The following SLC6A9 variants were observed in gnomAD, a reference collection of about 807,000 sequenced individuals.
SLC6A9 encodes solute carrier family 6 member 9.
Under a neutral mutation model 70.9 loss-of-function variants are expected in SLC6A9, and 31 were observed. That is an observed-to-expected ratio of 0.44 (90% CI 0.33 to 0.59). SLC6A9 has a LOEUF of 0.59. Among genes scored for constraint, SLC6A9 ranks in the 20% least tolerant of loss-of-function variants. SLC6A9 has a pLI of 0.04. For synonymous variants in SLC6A9, 310 were observed against 341.3 expected (o/e 0.91, Z 1.01); for missense variants, 631 against 845.2 (o/e 0.75, Z 3.14).
At chr1:44,011,745 T>TCAGG (rs2086579868) in intron 2 of SLC6A9, 1 of 1,612,338 alleles carries the variant, frequency 6.2e-7, no homozygotes, top group African/African-American at 1.3e-5. Context: ...GGGCCGAAGG[T>TCAGG]CAGGAGAGGC....
Position 44,003,085 on chromosome 1 carries a change from G to C in SLC6A9, c.591-100C>G, listed in dbSNP as rs1391105132. On this transcript the variant is annotated intron_variant, in intron 5 of 13. Coordinates refer to ENST00000372310, the MANE Select transcript of SLC6A9 (RefSeq NM_001024845.3). Reference sequence around the variant, plus strand: ...CCCGGGCTGTACCCTCCTTTGTCATGAGGTCCCAGCAGCCACCTTGTGTGA... The same window carrying C: ...CCCGGGCTGTACCCTCCTTTGTCATCAGGTCCCAGCAGCCACCTTGTGTGA... The C allele has an allele frequency of 2.8e-6, 4 of 1,415,298 alleles. No homozygotes were observed. The East Asian group carries it at 9.1e-5, about 32-fold the overall frequency. 87.7% of individuals were successfully genotyped at this position (1,415,298 alleles called of 1,614,324 possible). A position where few individuals can be genotyped will look rare whatever the true frequency, so the allele number is the denominator to read the frequency against.
chr1:44,004,557 G>C (rs920894647), intron 5 of SLC6A9, among the ~76,000 whole-genome samples: 1 of 151,670 alleles, frequency 6.6e-6, no homozygotes, highest in African/African-American at 2.4e-5. Context: ...TATTGCCCAG[G>C]CTGGTCTCGA....
At chr1:44,022,247 C>G (rs1001701708) in intron 2 of SLC6A9, among the ~76,000 whole-genome samples, 1 of 152,238 alleles carries the variant, frequency 6.6e-6, no homozygotes, top group Non-Finnish European at 1.5e-5. Flanking sequence ...GCCTGCCCTC[C>G]TCCCAGTCCT....
At chr1:44,017,211 C>G in intron 2 of SLC6A9, 4 of 1,548,596 alleles carry the variant, frequency 2.6e-6, no homozygotes, top group Non-Finnish European at 2.6e-6. Context: ...GCGTCAATTA[C>G]TTTCACCTCA....
chr1:43,997,381 G>T lies in SLC6A9; in HGVS notation c.*164C>A, dbSNP rs1571830832. The T allele has an allele frequency of 3.1e-6, 2 of 652,324 alleles. No homozygotes were observed. The highest frequency in any genetic ancestry group is 2.6e-5 in the East Asian group (1 of 37,930). 40.4% of individuals were successfully genotyped at this position (652,324 alleles called of 1,614,324 possible). Reference sequence around the variant, plus strand: ...CATCCAAAGGACATGTAAACACTGGGGACATGAGCATGAATGACTGCACTA... The same window carrying T: ...CATCCAAAGGACATGTAAACACTGGTGACATGAGCATGAATGACTGCACTA... On this transcript the variant is annotated 3_prime_UTR_variant, in exon 14 of 14. Transcript: ENST00000372310. This position sits in a 1 kb window ranked among gnomAD's most constrained non-coding sequence, Gnocchi z 4.4.
intron 10 of SLC6A9, 46 bp downstream of exon 10, chr1:44,001,118 A>G: frequency 1.9e-6 from 3 of 1,613,640 alleles, no homozygotes; most frequent in Non-Finnish European, 2.5e-6. Context: ...CCTTCCCTGC[A>G]CGTCCTGGCA....
intron 5 of SLC6A9, among the ~76,000 whole-genome samples, chr1:44,004,752 C>T (rs2086250615): frequency 6.6e-6 from 1 of 152,198 alleles, no homozygotes; most frequent in African/African-American, 2.4e-5. Flanking sequence ...ATTTTTAGGG[C>T]ATCATATTCT....
intron 5 of SLC6A9, among the ~76,000 whole-genome samples, chr1:44,005,343 G>A (rs573801096): frequency 3.5e-4 from 53 of 152,326 alleles, no homozygotes; most frequent in African/African-American, 1.2e-3. Flanking sequence ...GAGTGAGAAG[G>A]GTGAGTGGGT....
chr1:44,016,982 GCAGCC>G, intron 2 of SLC6A9: 1 of 1,492,522 alleles, frequency 6.7e-7, no homozygotes, highest in Non-Finnish European at 9.0e-7. Flanking sequence ...CTCCCCATCC[GCAGCC>G]CAGCCTCTCA....
At chr1:44,009,180 C>T (rs1446570567) in intron 4 of SLC6A9, among the ~76,000 whole-genome samples, 1 of 151,632 alleles carries the variant, frequency 6.6e-6, no homozygotes, top group African/African-American at 2.4e-5. Flanking sequence ...GCATGCGCCA[C>T]CATATCTGGA....
At chr1:44,021,138 C>A (rs973550193) in intron 2 of SLC6A9, among the ~76,000 whole-genome samples, 9 of 152,194 alleles carry the variant, frequency 5.9e-5, no homozygotes, top group Non-Finnish European at 1.0e-4. Flanking sequence ...CCCTCTCCTC[C>A]AGCCCCTTGT....
chr1:44,015,888 A>G, intron 2 of SLC6A9: 1 of 985,400 alleles, frequency 1.0e-6, no homozygotes, highest in Non-Finnish European at 1.2e-6. Context: ...AGCAGCCCCC[A>G]GTGGCCATTC....
rs1571848059 is a variant in SLC6A9 at position 44,001,245 on chromosome 1, C to T, written c.1254G>A (p.Glu418=). The stretch of plus-strand genomic sequence containing the variant: ...CATAGGTCTTTTTCTGCAGGATCCA[C>T]TCATTCCCCACCTCATCCACAATGG... ...VTAIVDEVGN[E]WILQKKTYVT... Residue 418 remains glutamate (E), a synonymous_variant, in exon 10 of 14, where the codon GAG becomes GAA. Coordinates refer to ENST00000372310, the MANE Select transcript of SLC6A9 (RefSeq NM_001024845.3). 1 of 1,614,254 alleles carries T rather than the reference C, an allele frequency of 6.2e-7. No individual in the cohort carries two copies. Among genetic ancestry groups the T allele is most frequent in the South Asian group, 1.1e-5 (1 of 91,092 alleles).
At chr1:44,026,835 G>C (rs1206887725) in intron 1 of SLC6A9, among the ~76,000 whole-genome samples, 2 of 152,178 alleles carry the variant, frequency 1.3e-5, no homozygotes, top group African/African-American at 4.8e-5. Context: ...GACAGACTCG[G>C]AGAGGTCACA....
chr1:44,007,332 A>G (rs1038796400), intron 5 of SLC6A9, among the ~76,000 whole-genome samples: 4 of 152,068 alleles, frequency 2.6e-5, no homozygotes, highest in African/African-American at 9.7e-5. Context: ...CATACCTACC[A>G]TGGGGACACA....
At position 44,013,406 on chromosome 1, in the gene SLC6A9, C is replaced by T. The variant is rs2086638834; in HGVS notation, c.31-2524G>A. 6.6e-6 allele frequency among the ~76,000 whole-genome samples: 1 copy of T among 152,244 alleles called. No individual in the cohort carries two copies. The highest frequency in any genetic ancestry group is 2.1e-4 in the South Asian group (1 of 4,832). On this transcript the variant is annotated intron_variant, in intron 2 of 13. Transcript: ENST00000372310. This position sits in a 1 kb window ranked among gnomAD's most constrained non-coding sequence, Gnocchi z 5.3. ...GCCGCCTGCCTGAGCCCTCAAGAGC[C>T]AGCCACTGCTCCGTTAATGAGCCGT...
chr1:44,030,103 C>T (rs2087069337), intron 1 of SLC6A9, among the ~76,000 whole-genome samples: 1 of 152,076 alleles, frequency 6.6e-6, no homozygotes, highest in African/African-American at 2.4e-5. Context: ...GGGTGCGGCT[C>T]CTTTAAGTAT....
intron 2 of SLC6A9, among the ~76,000 whole-genome samples, chr1:44,015,296 A>G (rs905058520): frequency 1.3e-5 from 2 of 152,144 alleles, no homozygotes; most frequent in African/African-American, 4.8e-5. Flanking sequence ...CTCTGGTGTG[A>G]CACTCCCGCC....
At chr1:44,017,422 G>A (rs1183385909) in intron 2 of SLC6A9, 3 of 1,150,454 alleles carry the variant, frequency 2.6e-6, no homozygotes, top group African/African-American at 1.7e-5. Flanking sequence ...CTGGGGCAGA[G>A]CAGGCGAGAG....
Sources: allele counts gnomAD v4.1 joint callset (sites outside exome capture counted in the v4.1 genomes callset), GRCh38; gene constraint gnomAD v4.1.1; non-coding constraint Gnocchi (gnomAD v3.1); transcripts MANE v1.5; gene names NCBI Gene and HGNC (gene_info 2026-07-23, HGNC 2026-07-21).